SVOP: variants seen among roughly 807,000 people sequenced by gnomAD.
The protein encoded by SVOP is SV2 related protein.
In SVOP, 17 loss-of-function variants were observed where a neutral mutation model predicts 69.1. That is an observed-to-expected ratio of 0.25 (90% CI 0.17 to 0.37). SVOP has a LOEUF of 0.37. Among genes scored for constraint, SVOP ranks in the 10% least tolerant of loss-of-function variants. The pLI, the probability that SVOP is intolerant of heterozygous loss-of-function variation, is 1.00. For synonymous variants in SVOP, 238 were observed against 238.6 expected (o/e 1.00, Z 0.02); for missense variants, 435 against 597.5 (o/e 0.73, Z 2.84).
At chr12:108,963,243 CAT>C (rs1164897727) in intron 5 of SVOP, among the ~76,000 whole-genome samples, 1 of 152,064 alleles carries the variant, frequency 6.6e-6, no homozygotes, top group African/African-American at 2.4e-5. Flanking sequence ...AAGTATGAAA[CAT>C]ACTGATTTTT....
At chr12:108,918,168 G>A in intron 13 of SVOP, 44 bp from the exon 14 acceptor site, 1 of 1,483,474 alleles carries the variant, frequency 6.7e-7, no homozygotes, top group Non-Finnish European at 9.1e-7. Context: ...TTTTCTGTCT[G>A]CTTGTTTCAG....
intron 12 of SVOP, among the ~76,000 whole-genome samples, chr12:108,920,594 C>CTTTTTTTTT (rs71079507): frequency 8.2e-6 from 1 of 121,318 alleles, no homozygotes; most frequent in Non-Finnish European, 1.7e-5. Context: ...ATTTTTACAT[C>CTTTTTTTTT]TTTTTTTTTT....
rs1376334458 is a variant in SVOP at position 108,938,807 on chromosome 12, C to T, written c.897+20G>A. Reference sequence around the variant, plus strand: ...CACCCCGATACGCACATTGCAGAGTCTATTGGTCCAGGCACTGACCTGTCT... The same window carrying T: ...CACCCCGATACGCACATTGCAGAGTTTATTGGTCCAGGCACTGACCTGTCT... On this transcript the variant is annotated intron_variant, in intron 9 of 15. Transcript: ENST00000610966. The T allele has an allele frequency of 1.2e-6, 2 of 1,613,864 alleles. No homozygotes were observed. Among genetic ancestry groups the T allele is most frequent in the Non-Finnish European group, 1.7e-6 (2 of 1,179,862 alleles).
intron 1 of SVOP, among the ~76,000 whole-genome samples, chr12:108,997,276 G>A (rs1013345969): frequency 5.3e-5 from 8 of 152,340 alleles, no homozygotes; most frequent in African/African-American, 9.6e-5. Flanking sequence ...GGCGCACCAC[G>A]AGATTATATT....
In SVOP at chr12:109,002,899, G is replaced by A. The variant is rs1255172262; in HGVS notation, c.35+17935C>T. 2.0e-5 allele frequency among the ~76,000 whole-genome samples: 3 copies of A among 150,950 alleles called. No homozygotes were observed. The East Asian group carries it at 5.8e-4, about 29-fold the overall frequency. On this transcript the variant is annotated intron_variant, in intron 1 of 15. Transcript: ENST00000610966. ...GGTGCAATGCACCAGCATGGCACAT[G>A]TATACATATGTAACTAACCTGCACA... is the stretch of plus-strand genomic sequence containing the variant.
intron 6 of SVOP, among the ~76,000 whole-genome samples, chr12:108,953,570 C>T (rs553040227): frequency 4.1e-4 from 62 of 152,274 alleles, no homozygotes; most frequent in African/African-American, 1.4e-3. Context: ...TAGGATAAAG[C>T]TATTGTAAAT....
At chr12:109,019,722 A>C (rs1195140901) in intron 1 of SVOP, among the ~76,000 whole-genome samples, 8 of 152,204 alleles carry the variant, frequency 5.3e-5, no homozygotes, top group Non-Finnish European at 8.8e-5. Flanking sequence ...TAAAACTTTA[A>C]AGCAAATTTT....
chr12:108,945,313 A>G, intron 6 of SVOP, 147 bp from the exon 7 acceptor site: 2 of 743,034 alleles, frequency 2.7e-6, no homozygotes, highest in South Asian at 3.4e-5. Context: ...TGTTGGTTAA[A>G]TATACAGATC....
intron 15 of SVOP, 131 bp downstream of exon 15, chr12:108,915,652 C>T (rs1038625222): frequency 1.6e-5 from 14 of 889,018 alleles, no homozygotes; most frequent in Admixed American, 3.0e-5. Flanking sequence ...CTTCTGTCCT[C>T]GGGTGTGTTG....
intron 15 of SVOP, among the ~76,000 whole-genome samples, chr12:108,914,212 A>G (rs1017851605): frequency 2.6e-5 from 4 of 152,238 alleles, no homozygotes; most frequent in Admixed American, 1.3e-4. Context: ...GTGGGCAATG[A>G]GGAGTGACTG....
intron 1 of SVOP, among the ~76,000 whole-genome samples, chr12:109,011,698 G>A (rs765771014): frequency 2.6e-5 from 4 of 152,144 alleles, no homozygotes; most frequent in African/African-American, 7.2e-5. Context: ...CTATGGAATC[G>A]ACCTAAGTGT....
intron 4 of SVOP, 46 bp downstream of exon 4, chr12:108,977,352 G>T: frequency 1.3e-6 from 2 of 1,530,216 alleles, no homozygotes; most frequent in Non-Finnish European, 1.8e-6. Context: ...GACACCCCAG[G>T]GGAGCAGAAC....
chr12:108,939,135 C>T (rs2039874012), intron 8 of SVOP, among the ~76,000 whole-genome samples, 180 bp from the exon 9 acceptor site: 1 of 152,196 alleles, frequency 6.6e-6, no homozygotes, highest in Non-Finnish European at 1.5e-5. Flanking sequence ...TGTACAATTA[C>T]TTGACTTCTC....
At chr12:108,985,401 G>A (rs1009685250) in intron 1 of SVOP, among the ~76,000 whole-genome samples, 53 of 152,304 alleles carry the variant, frequency 3.5e-4, no homozygotes, top group African/African-American at 1.2e-3. Context: ...GCTGGGCATG[G>A]TCACTCACGC....
intron 7 of SVOP, among the ~76,000 whole-genome samples, chr12:108,943,920 C>T (rs2039907993): frequency 1.3e-5 from 2 of 151,364 alleles, no homozygotes; most frequent in Non-Finnish European, 2.9e-5. Flanking sequence ...CTTGCTCTGT[C>T]GCCTAGGCTG....
chr12:108,945,316 T>C (rs938683544), intron 6 of SVOP, 150 bp from the exon 7 acceptor site: 3 of 720,706 alleles, frequency 4.2e-6, no homozygotes, highest in Non-Finnish European at 7.0e-6. Context: ...TGGTTAAATA[T>C]ACAGATCTCT....
intron 11 of SVOP, among the ~76,000 whole-genome samples, chr12:108,931,637 T>C (rs537315368): frequency 6.6e-6 from 1 of 152,016 alleles, no homozygotes. Flanking sequence ...ATTGAGACCA[T>C]CCTGGCCAAC....
chr12:108,990,262 A>G (rs916376074), intron 1 of SVOP, among the ~76,000 whole-genome samples: 2 of 152,158 alleles, frequency 1.3e-5, no homozygotes, highest in African/African-American at 4.8e-5. Context: ...CCATGTCCCT[A>G]CAAAGGACAT....
intron 11 of SVOP, among the ~76,000 whole-genome samples, chr12:108,933,491 A>C (rs1453641991): frequency 6.7e-6 from 1 of 149,270 alleles, no homozygotes; most frequent in African/African-American, 2.5e-5. Context: ...CTGCCTGGCC[A>C]ACACTGCAAA....
Sources: allele counts gnomAD v4.1 joint callset (sites outside exome capture counted in the v4.1 genomes callset), GRCh38; gene constraint gnomAD v4.1.1; transcripts MANE v1.5; gene names NCBI Gene and HGNC (gene_info 2026-07-23, HGNC 2026-07-21).